FLNB: variants seen among roughly 807,000 people sequenced by gnomAD.
The protein encoded by FLNB is filamin B.
FLNB carries 111 observed loss-of-function variants against 250.6 expected under a neutral mutation model. The ratio of observed to expected loss-of-function variants is 0.44; its 90% CI spans 0.38 to 0.52. The LOEUF (loss-of-function observed/expected upper bound fraction) is 0.52, where lower values mean the gene tolerates loss of function less well. FLNB is among the 20% of genes least tolerant of loss of function. The pLI is 0.00. For synonymous variants in FLNB, 1,302 were observed against 1,372.1 expected (o/e 0.95, Z 1.13); for missense variants, 2,869 against 3,447.8 (o/e 0.83, Z 4.20).
At chr3:58,121,019 C>T (rs186479780) in intron 19 of FLNB, among the ~76,000 whole-genome samples, 2 of 152,344 alleles carry the variant, frequency 1.3e-5, no homozygotes, top group Admixed American at 6.5e-5. Context: ...GCCGTTATTG[C>T]TGTCATCACT....
intron 41 of FLNB, 144 bp from the exon 42 acceptor site, chr3:58,159,410 G>T: frequency 1.3e-6 from 1 of 789,166 alleles, no homozygotes; most frequent in Non-Finnish European, 2.2e-6. Context: ...ATGCAGAATG[G>T]CTCACCTGCC....
chr3:58,163,047 T>G (rs887659202), intron 42 of FLNB, 107 bp from the exon 43 acceptor site: 9 of 1,136,946 alleles, frequency 7.9e-6, no homozygotes, highest in Non-Finnish European at 1.2e-5. Flanking sequence ...TGTAGAACTG[T>G]TGATTTTAAA....
rs374713571 is a variant in FLNB, at chr3:58,111,922, G to C, written c.2575+41G>C. On this transcript the variant is annotated intron_variant, in intron 17 of 45. Coordinates refer to ENST00000295956, the MANE Select transcript of FLNB (RefSeq NM_001457.4). ...TAGGTTGTCCTGGGCCCCTCTGCCA[G>C]CCGGTGGCACTGGGCGTGTTTCATC... The C allele has an allele frequency of 1.7e-5, 26 of 1,520,706 alleles. No homozygotes were observed. In the African/African-American group the frequency reaches 3.3e-4, roughly 19 times the overall value. The allele number at this position is 1,520,706 out of a possible 1,614,324, so 94.2% of individuals were successfully genotyped here. A position where few individuals can be genotyped will look rare whatever the true frequency, so the allele number is the denominator to read the frequency against.
At chr3:58,083,367 C>CTTTTTTTTT (rs71091341) in intron 4 of FLNB, among the ~76,000 whole-genome samples, 2 of 91,488 alleles carry the variant, frequency 2.2e-5, no homozygotes, top group African/African-American at 4.3e-5. Context: ...TCAGCTTAGT[C>CTTTTTTTTT]TTTTTTTTTT....
At chr3:58,025,133 C>CTTTTTTTTTTTTTTTTTTTTTTTT in intron 1 of FLNB, among the ~76,000 whole-genome samples, 1 of 116,550 alleles carries the variant, frequency 8.6e-6, no homozygotes, top group Non-Finnish European at 1.7e-5. Flanking sequence ...TTCTTTCTTT[C>CTTTTTTTTTTTTTTTTTTTTTTTT]TTTTTTTTTT....
chr3:58,155,971 G>A lies in FLNB; in HGVS notation c.6784G>A (p.Val2262Met). The A allele has an allele frequency of 6.2e-7, 1 of 1,612,400 alleles. No individual in the cohort carries two copies. The highest frequency in any genetic ancestry group is 1.1e-5 in the South Asian group (1 of 91,034). Residue 2262 changes from valine to methionine, a missense_variant, in exon 41 of 46, where the codon GTG (valine) becomes ATG (methionine). Val to Met is a conservative substitution (Grantham distance 21, BLOSUM62 1). Coordinates refer to ENST00000295956, the MANE Select transcript of FLNB (RefSeq NM_001457.4). ...TCCTGTCCTCATAGGTAACTACGAGGTGTCCATCAAGTTCAATGATGAGCA... is the reference window on the plus strand; with the variant it reads ...TCCTGTCCTCATAGGTAACTACGAGATGTCCATCAAGTTCAATGATGAGCA... Reference protein sequence around the residue: ...YIAQEPGNYEVSIKFNDEHIP... With the variant: ...YIAQEPGNYEMSIKFNDEHIP...
rs1479826205 is a variant in FLNB at position 58,123,563 on chromosome 3, C to T, written c.3597C>T (p.Ala1199=). The change falls in exon 21 of 46, where the codon GCC becomes GCT. Residue 1199 remains alanine (A), a synonymous_variant. Transcript: ENST00000295956. ...TYAVTYVPLT[A]GMYTLTMKYG... is the part of the protein sequence containing the mutation. ...CGGTGACCTACGTGCCCCTGACGGC[C>T]GGCATGTACACGTTGACCATGAAGT... 6.2e-6 allele frequency: 10 copies of T among 1,609,922 alleles called. No individual in the cohort carries two copies. Among genetic ancestry groups the T allele is most frequent in the South Asian group, 1.1e-5 (1 of 90,478 alleles).
At chr3:58,159,376 C>T (rs1197085417) in intron 41 of FLNB, among the ~76,000 whole-genome samples, 178 bp from the exon 42 acceptor site, 1 of 152,186 alleles carries the variant, frequency 6.6e-6, no homozygotes, top group African/African-American at 2.4e-5. Flanking sequence ...TGCAGATGCA[C>T]GTCTCTGCTA....
chr3:58,149,584 C>T (rs1310871404), intron 36 of FLNB: 9 of 528,588 alleles, frequency 1.7e-5, no homozygotes, highest in Admixed American at 9.5e-5. Context: ...GTACGGGACA[C>T]ATCATCTATG....
At chr3:58,087,810 G>A (rs563056887) in intron 4 of FLNB, among the ~76,000 whole-genome samples, 48 of 150,782 alleles carry the variant, frequency 3.2e-4, no homozygotes, top group African/African-American at 1.1e-3. Flanking sequence ...GCACGATCTC[G>A]GCTCACTGCA....
At chr3:58,026,011 C>T (rs1008914824) in intron 1 of FLNB, among the ~76,000 whole-genome samples, 1 of 152,208 alleles carries the variant, frequency 6.6e-6, no homozygotes, top group Non-Finnish European at 1.5e-5. Flanking sequence ...CCGTGCCTGG[C>T]TTATAGTAAG....
intron 1 of FLNB, among the ~76,000 whole-genome samples, chr3:58,057,580 C>T (rs897213795): frequency 4.6e-5 from 7 of 152,130 alleles, no homozygotes; most frequent in Non-Finnish European, 1.0e-4. Flanking sequence ...AACTTAGAGG[C>T]AGCTAACAGG....
At chr3:58,027,547 GCTGGGATTACAGGCATGAGCCACCGCGC>G (rs1160138956) in intron 1 of FLNB, among the ~76,000 whole-genome samples, 3 of 152,172 alleles carry the variant, frequency 2.0e-5, no homozygotes, top group African/African-American at 7.2e-5. Flanking sequence ...CTCCCAAAGT[GCTGGGATTACAGGCATGAGCCACCGCGC>G]CTGGCCCAGA....
intron 1 of FLNB, among the ~76,000 whole-genome samples, chr3:58,053,503 C>T (rs1017067009): frequency 2.6e-5 from 4 of 152,218 alleles, no homozygotes; most frequent in South Asian, 2.1e-4. Context: ...CGCTGTCACC[C>T]GGGCTGGAGT....
rs1237761004 is a variant in FLNB at position 58,118,988 on chromosome 3, C to T, written c.2862C>T (p.Asn954=). The change falls in exon 19 of 46, where the codon AAC becomes AAT. Residue 954 remains asparagine, a splice_region_variant and synonymous_variant. Transcript: ENST00000295956. ...AGATAAAACTCAATGGGCTGGAAAA[C>T]AGTAAGTGCCTGAATGGAGAGCAGA... ...LSKIKLNGLE[N]RVEVGKDQEF... is the part of the protein sequence containing the mutation. 1.2e-6 allele frequency: 2 copies of T among 1,605,620 alleles called. No homozygotes were observed. Among genetic ancestry groups the T allele is most frequent in the South Asian group, 1.1e-5 (1 of 90,862 alleles).
chr3:58,060,617 T>C (rs1344850247), intron 1 of FLNB, among the ~76,000 whole-genome samples: 1 of 149,888 alleles, frequency 6.7e-6, no homozygotes, highest in Non-Finnish European at 1.5e-5. Context: ...CCTCCCAAAG[T>C]GCTAGGATTA....
intron 1 of FLNB, among the ~76,000 whole-genome samples, chr3:58,016,064 T>G (rs541967319): frequency 9.2e-5 from 14 of 151,974 alleles, no homozygotes; most frequent in Admixed American, 3.9e-4. Context: ...TTGTTTGTTT[T>G]TTTTTTTGAG....
chr3:58,053,672 C>T (rs1005928777), intron 1 of FLNB, among the ~76,000 whole-genome samples: 2 of 152,030 alleles, frequency 1.3e-5, no homozygotes, highest in African/African-American at 2.4e-5. Context: ...CTGTGTTAGT[C>T]AGGATGGTCT....
chr3:58,168,889 A>T, intron 44 of FLNB: 1 of 557,580 alleles, frequency 1.8e-6, no homozygotes, highest in Non-Finnish European at 3.3e-6. Context: ...GTGGTTTTCT[A>T]TCTCTAACAG....
Sources: gnomAD v4.1 joint callset for allele counts (sites outside exome capture counted in the v4.1 genomes callset) on GRCh38, gnomAD v4.1.1 for gene constraint, MANE v1.5 for transcripts, NCBI Gene and HGNC (gene_info 2026-07-23, HGNC 2026-07-21) for gene names.